The following LARP4B variants were observed in gnomAD, a reference collection of about 807,000 sequenced individuals.
The protein encoded by LARP4B is la-related protein 4B.
Under a neutral mutation model 89.8 loss-of-function variants are expected in LARP4B, and 12 were observed. That is an observed-to-expected ratio of 0.13 (90% CI 0.09 to 0.22). LARP4B has a LOEUF of 0.22. Among genes scored for constraint, LARP4B ranks in the 10% least tolerant of loss-of-function variants. The pLI is 1.00. For missense variants in LARP4B, 757 were observed against 947.7 expected, an observed-to-expected ratio of 0.80 and a Z score of 2.64; for synonymous variants, 367 against 363.3, an observed-to-expected ratio of 1.01 and a Z score of -0.12.
the LARP4B span, among the ~76,000 whole-genome samples, chr10:941,071 G>A: frequency 3.9e-5 from 6 of 152,126 alleles, no homozygotes; most frequent in Non-Finnish European, 5.9e-5. Flanking sequence ...AGGGTGGACC[G>A]ATAGGGTGGA....
At chr10:976,063 A>G in the LARP4B span, among the ~76,000 whole-genome samples, 124 of 35,426 alleles carry the variant, frequency 3.5e-3, 2 homozygotes, top group African/African-American at 6.4e-3. Flanking sequence ...GTAGAATGTA[A>G]GCCTGTCGCG....
intron 5 of LARP4B, among the ~76,000 whole-genome samples, chr10:861,060 G>A (rs1332519623): frequency 6.6e-6 from 1 of 152,162 alleles, no homozygotes; most frequent in Non-Finnish European, 1.5e-5. Flanking sequence ...GGAGGCTGAG[G>A]CAGGAGAATG....
intron 5 of LARP4B, among the ~76,000 whole-genome samples, chr10:854,615 T>A (rs560160510): frequency 2.2e-4 from 33 of 152,220 alleles, no homozygotes; most frequent in Admixed American, 1.4e-3. Flanking sequence ...AACAGTAAGC[T>A]TAAAATATTC....
intron 4 of LARP4B, 21 bp from the exon 5 acceptor site, chr10:863,904 CA>C: frequency 6.2e-7 from 1 of 1,602,554 alleles, no homozygotes; most frequent in Non-Finnish European, 8.5e-7. Context: ...GAGTTTACCC[CA>C]AAAAGGCAGG....
intron 8 of LARP4B, among the ~76,000 whole-genome samples, chr10:832,494 G>A (rs1832961702): frequency 6.6e-6 from 1 of 152,168 alleles, no homozygotes; most frequent in East Asian, 1.9e-4. Flanking sequence ...CAAAATAATG[G>A]CTCGATAAAT....
At chr10:835,803 G>A (rs1430767651) in intron 8 of LARP4B, among the ~76,000 whole-genome samples, 1 of 152,118 alleles carries the variant, frequency 6.6e-6, no homozygotes, top group Non-Finnish European at 1.5e-5. Context: ...CGCAGCGACA[G>A]GCGCCTGTAA....
At chr10:968,569 G>A in the LARP4B span, among the ~76,000 whole-genome samples, 1 of 143,568 alleles carries the variant, frequency 7.0e-6, no homozygotes, top group Non-Finnish European at 1.5e-5. Context: ...ACAAAGACAG[G>A]TCACTGAGGA....
Position 827,382 on chromosome 10 carries a change from A to G in LARP4B, c.1126-1512T>C, listed in dbSNP as rs188160195. Among the ~76,000 whole-genome samples, 215 of 152,330 alleles carry G rather than the reference A, an allele frequency of 1.4e-3. 1 individual carries two copies. Among genetic ancestry groups the G allele is most frequent in the African/African-American group, 5.0e-3 (207 of 41,576 alleles). On this transcript the variant is annotated intron_variant, in intron 11 of 17. Transcript: ENST00000316157. ...GAGGACTAATCATTTCCAGCAAGTCATTTTACAGACAGAGCCCTGATATTC... is the reference window on the plus strand; with the variant it reads ...GAGGACTAATCATTTCCAGCAAGTCGTTTTACAGACAGAGCCCTGATATTC...
chr10:826,249 C>A (rs1156918427), intron 11 of LARP4B, among the ~76,000 whole-genome samples: 1 of 152,202 alleles, frequency 6.6e-6, no homozygotes, highest in African/African-American at 2.4e-5. Flanking sequence ...GGCTTTAATA[C>A]AACTCATCAA....
At chr10:855,955 G>C (rs1373177742) in intron 5 of LARP4B, among the ~76,000 whole-genome samples, 3 of 152,210 alleles carry the variant, frequency 2.0e-5, no homozygotes, top group Non-Finnish European at 2.9e-5. Flanking sequence ...AGGTGCAAAG[G>C]CAACGCAGCA....
At chr10:876,470 C>A (rs1835456088) in intron 3 of LARP4B, among the ~76,000 whole-genome samples, 1 of 152,240 alleles carries the variant, frequency 6.6e-6, no homozygotes, top group African/African-American at 2.4e-5. Context: ...CAAGACCCAA[C>A]AGGGCAGACA....
intron 5 of LARP4B, among the ~76,000 whole-genome samples, chr10:852,995 T>C (rs753170881): frequency 6.6e-6 from 1 of 152,238 alleles, no homozygotes; most frequent in Admixed American, 6.5e-5. Flanking sequence ...ATCTTGTTCA[T>C]GGATATTGTT....
rs776943462 is a variant in LARP4B at position 864,229 on chromosome 10, T to C, written c.183A>G (p.Glu61=). The part of the protein sequence containing the change: ...TKVSELNPNA[E]VWGAPVLHLE... ...GATGTAACACAGGAGCCCCCCACAC[T>C]TCTGCATTAGGGTTCAGCTCTGAAA... Residue 61 remains glutamate (E), a synonymous_variant, in exon 4 of 18, where the codon GAA becomes GAG. Transcript: ENST00000316157. 2.5e-6 allele frequency: 4 copies of C among 1,614,182 alleles called. No homozygotes were observed. The highest frequency in any genetic ancestry group is 3.4e-6 in the Non-Finnish European group (4 of 1,180,024).
intron 1 of LARP4B, among the ~76,000 whole-genome samples, chr10:909,613 C>G (rs552631924): frequency 6.6e-6 from 1 of 151,698 alleles, no homozygotes; most frequent in East Asian, 2.0e-4. Context: ...GGTGAAACCT[C>G]GTCTCTACTA....
chr10:825,823 T>C lies in LARP4B; in HGVS notation c.1173A>G (p.Pro391=), dbSNP rs147267679. The change falls in exon 12 of 18, where the codon CCA becomes CCG. Residue 391 remains proline (P), a synonymous_variant. Coordinates refer to ENST00000316157, the MANE Select transcript of LARP4B (RefSeq NM_015155.3). ...NTGFINGFTS[P]AFKPAASPLT... ...GAGGAGACGCCGCAGGCTTGAACGC[T>C]GGAGACGTAAACCCATTTATAAATC... 7.9e-5 allele frequency: 127 copies of C among 1,613,702 alleles called. No homozygotes were observed. The highest frequency in any genetic ancestry group is 1.0e-4 in the Non-Finnish European group (122 of 1,179,868).
intron 11 of LARP4B, among the ~76,000 whole-genome samples, chr10:826,137 G>A (rs751701397): frequency 6.6e-6 from 1 of 152,228 alleles, no homozygotes; most frequent in Non-Finnish European, 1.5e-5. Flanking sequence ...GGAAAGACGT[G>A]GTCAAGAGCG....
the LARP4B span, among the ~76,000 whole-genome samples, chr10:950,791 C>T: frequency 6.6e-6 from 1 of 151,546 alleles, no homozygotes; most frequent in Non-Finnish European, 1.5e-5. Flanking sequence ...TCTTTGTATT[C>T]ATTACTAGTA....
chr10:975,831 CGT>C, the LARP4B span, among the ~76,000 whole-genome samples: 3 of 141,380 alleles, frequency 2.1e-5, no homozygotes, highest in African/African-American at 8.1e-5. Flanking sequence ...TCTCGCGCAA[CGT>C]GTGGACCCGG....
At chr10:862,441 G>C (rs934788773) in intron 5 of LARP4B, among the ~76,000 whole-genome samples, 1 of 151,926 alleles carries the variant, frequency 6.6e-6, no homozygotes, top group African/African-American at 2.4e-5. Flanking sequence ...CTGGGATAAC[G>C]AAAAGCCCAT....
Sources: allele counts gnomAD v4.1 joint callset (sites outside exome capture counted in the v4.1 genomes callset), GRCh38; gene constraint gnomAD v4.1.1; transcripts MANE v1.5; gene names NCBI Gene and HGNC (gene_info 2026-07-23, HGNC 2026-07-21).